THEM4: variants seen among roughly 807,000 people sequenced by gnomAD.
THEM4 encodes thioesterase superfamily member 4.
THEM4 carries 22 observed loss-of-function variants against 25.0 expected under a neutral mutation model. The observed-to-expected ratio is 0.88, with a 90% confidence interval of 0.63 to 1.26. The LOEUF is 1.26. Ranked by LOEUF, THEM4 falls within the 50% of genes most tolerant of loss-of-function variation. The pLI is 0.00. For missense variants in THEM4, 286 were observed against 300.3 expected, an observed-to-expected ratio of 0.95 and a Z score of 0.35; for synonymous variants, 113 against 105.6, an observed-to-expected ratio of 1.07 and a Z score of -0.43.
At position 151,901,613 on chromosome 1, in the gene THEM4, C is replaced by T. The variant is rs181008493; in HGVS notation, c.100-6419G>A. Among the ~76,000 whole-genome samples, 397 of 152,228 alleles carry T rather than the reference C, an allele frequency of 2.6e-3. 6 individuals are homozygous for T. The highest frequency in any genetic ancestry group is 8.7e-3 in the African/African-American group (360 of 41,556). On this transcript the variant is annotated intron_variant, in intron 1 of 5. Coordinates refer to ENST00000368814, the MANE Select transcript of THEM4 (RefSeq NM_053055.5). Reference sequence around the variant, plus strand: ...ATCCCAGCACTTTGGGAGGCTGAGGCGGGAGGATCACCTGAAGTCAGGAGT... The same window carrying T: ...ATCCCAGCACTTTGGGAGGCTGAGGTGGGAGGATCACCTGAAGTCAGGAGT...
intron 1 of THEM4, 64 bp downstream of exon 1, chr1:151,909,296 C>T: frequency 7.4e-7 from 1 of 1,353,432 alleles, no homozygotes; most frequent in Non-Finnish European, 1.0e-6. Flanking sequence ...ATCGAAGGCT[C>T]TGTTACCGCA....
At chr1:151,889,070 T>G (rs1654032118) in intron 3 of THEM4, 144 bp downstream of exon 3, 1 of 482,400 alleles carries the variant, frequency 2.1e-6, no homozygotes, top group African/African-American at 2.0e-5. Flanking sequence ...CCTTTAATAA[T>G]GTATTATAAA....
At chr1:151,886,193 G>A (rs1653968161) in intron 4 of THEM4, among the ~76,000 whole-genome samples, 1 of 152,192 alleles carries the variant, frequency 6.6e-6, no homozygotes, top group Admixed American at 6.5e-5. Context: ...CTATCCATAT[G>A]ACTTCAGGTA....
At position 151,877,137 on chromosome 1, in the gene THEM4, A is replaced by G. The variant is rs1358850159; in HGVS notation, c.558-12T>C. The G allele has an allele frequency of 1.3e-6, 2 of 1,593,508 alleles. No individual in the cohort carries two copies. The highest frequency in any genetic ancestry group is 4.5e-5 in the East Asian group (2 of 44,780). On this transcript the variant is annotated splice_polypyrimidine_tract_variant and intron_variant, in intron 4 of 5. Coordinates refer to ENST00000368814, the MANE Select transcript of THEM4 (RefSeq NM_053055.5). Reference sequence around the variant, plus strand: ...AAAGAGGGATAGGTCTGCAGAATAAAATGAAAAAGGAAAAAAATCAGTTTT... The same window carrying G: ...AAAGAGGGATAGGTCTGCAGAATAAGATGAAAAAGGAAAAAAATCAGTTTT...
rs1209658259 is a variant in THEM4, at chr1:151,872,944, G to A, written c.*1944C>T. On this transcript the variant is annotated 3_prime_UTR_variant, in exon 6 of 6. Transcript: ENST00000368814. ...CCCGCAAAGGGTCTGTGCTGAGGGG[G>A]ATTAGTAAAAGAGGAAGGCCTCTTG... Among the ~76,000 whole-genome samples, 1 of 152,124 alleles carries A rather than the reference G, an allele frequency of 6.6e-6. No individual in the cohort carries two copies. Among genetic ancestry groups the A allele is most frequent in the Non-Finnish European group, 1.5e-5 (1 of 68,034 alleles).
rs1653555795 is a variant in THEM4 at position 151,871,620 on chromosome 1, A to G, written c.*3268T>C. 6.6e-6 allele frequency among the ~76,000 whole-genome samples: 1 copy of G among 152,232 alleles called. No individual in the cohort carries two copies. On this transcript the variant is annotated 3_prime_UTR_variant, in exon 6 of 6. Transcript: ENST00000368814. ...TGGCTATGGGGAACCCTATGTTAAC[A>G]GTGACTGAGCTTTTTCCTTAGTTGA... is the stretch of plus-strand genomic sequence containing the variant.
chr1:151,876,878 C>A (rs1653692145), intron 5 of THEM4, 123 bp downstream of exon 5: 2 of 1,240,010 alleles, frequency 1.6e-6, no homozygotes, highest in Non-Finnish European at 2.2e-6. Context: ...GGGCAAAAAA[C>A]CAAACCAAAC....
At chr1:151,890,113 TCAGG>T (rs1260160731) in intron 2 of THEM4, 3 of 420,376 alleles carry the variant, frequency 7.1e-6, no homozygotes, top group African/African-American at 6.2e-5. Context: ...TCCGTGTTGG[TCAGG>T]CTGGTCTTGA....
At chr1:151,893,433 AG>A (rs1410140554) in intron 2 of THEM4, among the ~76,000 whole-genome samples, 2 of 149,168 alleles carry the variant, frequency 1.3e-5, no homozygotes, top group Non-Finnish European at 2.9e-5. Flanking sequence ...CAAAAGAGAG[AG>A]AGAGAGAGAG....
At chr1:151,880,514 C>G (rs539467359) in intron 4 of THEM4, among the ~76,000 whole-genome samples, 10 of 151,910 alleles carry the variant, frequency 6.6e-5, no homozygotes, top group Admixed American at 1.3e-4. Context: ...TTGGAATCTC[C>G]CACTATATAA....
intron 1 of THEM4, among the ~76,000 whole-genome samples, chr1:151,907,896 T>C (rs1485973993): frequency 6.6e-6 from 1 of 152,172 alleles, no homozygotes; most frequent in Non-Finnish European, 1.5e-5. Flanking sequence ...CTGCAGCATG[T>C]GTGTGTGGTG....
At chr1:151,906,146 G>C (rs1165228117) in intron 1 of THEM4, among the ~76,000 whole-genome samples, 1 of 152,248 alleles carries the variant, frequency 6.6e-6, no homozygotes, top group East Asian at 1.9e-4. Context: ...GGAGAGGCGC[G>C]AGCAGGAACC....
At position 151,873,519 on chromosome 1, in the gene THEM4, T is replaced by C. The variant is rs1328704369; in HGVS notation, c.*1369A>G. 1 of 152,254 alleles carries C rather than the reference T, an allele frequency of 6.6e-6. No homozygotes were observed. Among genetic ancestry groups the C allele is most frequent in the Non-Finnish European group, 1.5e-5 (1 of 68,050 alleles). The allele number at this position is 152,254 out of a possible 1,614,324, so 9.4% of individuals were successfully genotyped here. ...CAACTCTCCGTTCATTTTTTAGTTTTGTTGAGGCTCTTTTACAGGTTGAAT... is the reference window on the plus strand; with the variant it reads ...CAACTCTCCGTTCATTTTTTAGTTTCGTTGAGGCTCTTTTACAGGTTGAAT... On this transcript the variant is annotated 3_prime_UTR_variant, in exon 6 of 6. Coordinates refer to ENST00000368814, the MANE Select transcript of THEM4 (RefSeq NM_053055.5).
rs1440902776 is a variant in THEM4 at position 151,871,808 on chromosome 1, T to C, written c.*3080A>G. 6.6e-6 allele frequency among the ~76,000 whole-genome samples: 1 copy of C among 152,236 alleles called. No individual in the cohort carries two copies. The highest frequency in any genetic ancestry group is 2.4e-5 in the African/African-American group (1 of 41,462). ...TTCTTTCACTTGGCTGGAGGTCTGGTGTGCCATAGCAGTTCTGCAAGCCTG... is the reference window on the plus strand; with the variant it reads ...TTCTTTCACTTGGCTGGAGGTCTGGCGTGCCATAGCAGTTCTGCAAGCCTG... On this transcript the variant is annotated 3_prime_UTR_variant, in exon 6 of 6. Transcript: ENST00000368814.
At chr1:151,882,149 G>A (rs541927165) in intron 4 of THEM4, among the ~76,000 whole-genome samples, 12 of 151,738 alleles carry the variant, frequency 7.9e-5, no homozygotes, top group Admixed American at 2.0e-4. Context: ...AGGCCGAGGC[G>A]GATGGATCAT....
chr1:151,874,697 AG>A lies in THEM4; in HGVS notation c.*190del. 1 of 664,874 alleles carries A rather than the reference AG, an allele frequency of 1.5e-6. No homozygotes were observed. The highest frequency in any genetic ancestry group is 2.7e-6 in the Non-Finnish European group (1 of 371,636). 41.2% of individuals were successfully genotyped at this position (664,874 alleles called of 1,614,324 possible). A position where few individuals can be genotyped will look rare whatever the true frequency, so the allele number is the denominator to read the frequency against. The stretch of plus-strand genomic sequence containing the variant: ...GCCCGAGAGTTGTCGATATGCTCGC[AG>A]GAAGTATTTCTGTGTTAAAAAGTTG... On this transcript the variant is annotated 3_prime_UTR_variant, in exon 6 of 6. Coordinates refer to ENST00000368814, the MANE Select transcript of THEM4 (RefSeq NM_053055.5).
intron 1 of THEM4, among the ~76,000 whole-genome samples, chr1:151,904,651 A>T (rs1359699966): frequency 6.6e-6 from 1 of 152,246 alleles, no homozygotes; most frequent in Admixed American, 6.5e-5. Flanking sequence ...GCAAAGGCCC[A>T]GGTCAGATAT....
At chr1:151,900,712 T>G (rs6671719) in intron 1 of THEM4, among the ~76,000 whole-genome samples, 6,308 of 151,474 alleles carry the variant, frequency 0.042, 463 homozygotes, top group African/African-American at 0.15. Context: ...AGAAATGAGA[T>G]AGACAGCAAC....
chr1:151,904,263 A>G (rs1654411349), intron 1 of THEM4, among the ~76,000 whole-genome samples: 1 of 152,206 alleles, frequency 6.6e-6, no homozygotes, highest in Non-Finnish European at 1.5e-5. Context: ...ATCACACCAT[A>G]GGGCTTAGAT....
Sources: gnomAD v4.1 joint callset for allele counts (sites outside exome capture counted in the v4.1 genomes callset) on GRCh38, gnomAD v4.1.1 for gene constraint, MANE v1.5 for transcripts, NCBI Gene and HGNC (gene_info 2026-07-23, HGNC 2026-07-21) for gene names.